ENTREP2: variants seen among roughly 807,000 people sequenced by gnomAD.
The protein encoded by ENTREP2 is protein ENTREP2.
chr15:29,342,863 T>A, the ENTREP2 span, among the ~76,000 whole-genome samples: 1 of 152,200 alleles, frequency 6.6e-6, no homozygotes, highest in South Asian at 2.1e-4. Context: ...ACGATCTGAA[T>A]TAGAAATATT....
At chr15:29,532,316 T>C in the ENTREP2 span, among the ~76,000 whole-genome samples, 1 of 152,230 alleles carries the variant, frequency 6.6e-6, no homozygotes, top group Non-Finnish European at 1.5e-5. Flanking sequence ...TATTCTGCAT[T>C]AAAATCTGAT....
the ENTREP2 span, among the ~76,000 whole-genome samples, chr15:29,513,662 G>GA: frequency 6.6e-6 from 1 of 152,148 alleles, no homozygotes; most frequent in Non-Finnish European, 1.5e-5. Context: ...GCTCCACTTT[G>GA]AAAACAAAAG....
the ENTREP2 span, chr15:29,609,807 G>A: frequency 6.7e-6 from 1 of 150,282 alleles, no homozygotes; most frequent in Non-Finnish European, 1.5e-5. Flanking sequence ...CATTTCTAGA[G>A]GTGGAATAGT....
chr15:29,295,171 A>G, the ENTREP2 span, among the ~76,000 whole-genome samples: 2 of 152,230 alleles, frequency 1.3e-5, no homozygotes, highest in Non-Finnish European at 2.9e-5. Flanking sequence ...AGAGGAAATA[A>G]TGAATGAACT....
chr15:29,647,934 G>A, the ENTREP2 span, among the ~76,000 whole-genome samples: 1,657 of 152,290 alleles, frequency 0.011, 11 homozygotes, highest in Middle Eastern at 0.051. Context: ...GGAAACTTAA[G>A]AGGTATGAAA....
chr15:29,441,556 G>A, the ENTREP2 span, among the ~76,000 whole-genome samples: 2 of 149,228 alleles, frequency 1.3e-5, no homozygotes, highest in Admixed American at 6.6e-5. Flanking sequence ...TTATGCGCAC[G>A]TGTGTGTGTG....
chr15:29,252,097 A>G, the ENTREP2 span, among the ~76,000 whole-genome samples: 1 of 152,242 alleles, frequency 6.6e-6, no homozygotes, highest in Non-Finnish European at 1.5e-5. Context: ...CCAAAATAGC[A>G]CTACGTTGTG....
chr15:29,383,942 A>G, the ENTREP2 span, among the ~76,000 whole-genome samples: 2 of 152,152 alleles, frequency 1.3e-5, no homozygotes, highest in Non-Finnish European at 2.9e-5. Context: ...GTCCCCTCCC[A>G]TGGCCATGCC....
chr15:29,418,687 G>C, the ENTREP2 span, among the ~76,000 whole-genome samples: 1 of 152,222 alleles, frequency 6.6e-6, no homozygotes, highest in Non-Finnish European at 1.5e-5. Context: ...TCAACTCTCT[G>C]AAAATGGCTG....
the ENTREP2 span, among the ~76,000 whole-genome samples, chr15:29,427,340 CA>C: frequency 1.3e-5 from 2 of 152,132 alleles, no homozygotes; most frequent in Non-Finnish European, 2.9e-5. Context: ...CCCCGGAGTC[CA>C]ACTTGGGGTA....
At chr15:29,510,931 A>T in the ENTREP2 span, among the ~76,000 whole-genome samples, 1 of 152,194 alleles carries the variant, frequency 6.6e-6, no homozygotes, top group African/African-American at 2.4e-5. Context: ...TCAACAAACT[A>T]ACATGGGAAG....
chr15:29,466,978 C>T, the ENTREP2 span, among the ~76,000 whole-genome samples: 2 of 141,316 alleles, frequency 1.4e-5, no homozygotes, highest in African/African-American at 5.3e-5. Flanking sequence ...GCTGCAGCCC[C>T]CAGGGGAGGG....
chr15:29,612,474 C>T, the ENTREP2 span: 5 of 150,688 alleles, frequency 3.3e-5, no homozygotes, highest in Admixed American at 2.6e-4. Flanking sequence ...GCCTCTGGCA[C>T]ACCTTCAGCC....
At chr15:29,329,761 G>A in the ENTREP2 span, among the ~76,000 whole-genome samples, 1 of 152,128 alleles carries the variant, frequency 6.6e-6, no homozygotes, top group Non-Finnish European at 1.5e-5. Flanking sequence ...GAACACAGAA[G>A]CCAACTTTTA....
the ENTREP2 span, among the ~76,000 whole-genome samples, chr15:29,283,336 A>G: frequency 1.3e-5 from 2 of 152,120 alleles, no homozygotes; most frequent in Non-Finnish European, 2.9e-5. Context: ...ATCCCACCCT[A>G]TCTGCCTCTA....
the ENTREP2 span, among the ~76,000 whole-genome samples, chr15:29,138,454 A>G: frequency 6.6e-6 from 1 of 152,202 alleles, no homozygotes; most frequent in Non-Finnish European, 1.5e-5. Flanking sequence ...TCCATGCTGC[A>G]AAAGCTCTGG....
the ENTREP2 span, among the ~76,000 whole-genome samples, chr15:29,230,265 T>C: frequency 1.3e-5 from 2 of 152,194 alleles, no homozygotes; most frequent in African/African-American, 2.4e-5. Context: ...CAATCAATCA[T>C]TTATAATGTT....
the ENTREP2 span, among the ~76,000 whole-genome samples, chr15:29,402,951 G>A: frequency 2.6e-5 from 4 of 152,164 alleles, no homozygotes; most frequent in African/African-American, 4.8e-5. Flanking sequence ...ATCAGCAGGC[G>A]GGAGAGGTGG....
the ENTREP2 span, among the ~76,000 whole-genome samples, chr15:29,133,954 C>G: frequency 4.0e-5 from 6 of 150,394 alleles, no homozygotes; most frequent in Non-Finnish European, 5.9e-5. Flanking sequence ...AGCCTTTGCA[C>G]AGGCTGTTCC....
Sources: allele counts gnomAD v4.1 joint callset (sites outside exome capture counted in the v4.1 genomes callset), GRCh38; gene constraint gnomAD v4.1.1; transcripts MANE v1.5; gene names NCBI Gene and HGNC (gene_info 2026-07-23, HGNC 2026-07-21).